The following CACNA1B variants were observed in gnomAD, a reference collection of about 807,000 sequenced individuals.
The protein encoded by CACNA1B is calcium voltage-gated channel subunit alpha1 B, also known as voltage-dependent N-type calcium channel subunit alpha-1B.
CACNA1B carries 70 observed loss-of-function variants against 247.2 expected under a neutral mutation model. The observed-to-expected ratio is 0.28, with a 90% CI of 0.23 to 0.35. The LOEUF (loss-of-function observed/expected upper bound fraction) is 0.35, where lower values mean the gene tolerates loss of function less well. Among genes scored for constraint, CACNA1B ranks in the 10% least tolerant of loss-of-function variants. The pLI, the probability that CACNA1B is intolerant of heterozygous loss-of-function variation, is 1.00. For missense variants in CACNA1B, 2,367 were observed against 3,197.4 expected (o/e 0.74, Z 6.26); for synonymous variants, 1,231 against 1,294.4 (o/e 0.95, Z 1.05).
intron 39 of CACNA1B, among the ~76,000 whole-genome samples, chr9:138,108,285 G>A (rs1205543586): frequency 1.4e-5 from 2 of 141,446 alleles, no homozygotes; most frequent in African/African-American, 2.8e-5. Context: ...CTATAGCCTG[G>A]GCAACAGAGT....
At chr9:138,090,656 A>C (rs1225971559) in intron 36 of CACNA1B, among the ~76,000 whole-genome samples, 1 of 144,930 alleles carries the variant, frequency 6.9e-6, no homozygotes, top group African/African-American at 2.5e-5. Flanking sequence ...TTATCTGACA[A>C]GCTATTAATA....
intron 39 of CACNA1B, among the ~76,000 whole-genome samples, chr9:138,107,383 A>G (rs1961468402): frequency 6.6e-6 from 1 of 151,748 alleles, no homozygotes; most frequent in South Asian, 2.1e-4. Context: ...AAGTGCTGGG[A>G]TTGCAGGCAC....
chr9:137,989,422 T>C lies in CACNA1B; in HGVS notation c.1974+2568T>C, dbSNP rs545725662. ...CTGGAGTGGAGGCTCCCATGTGAGGTGCGAAAGAGAGGGTGGCCAGTGCCC... is the reference window on the plus strand; with the variant it reads ...CTGGAGTGGAGGCTCCCATGTGAGGCGCGAAAGAGAGGGTGGCCAGTGCCC... On this transcript the variant is annotated intron_variant, in intron 15 of 46. Coordinates refer to ENST00000371372, the MANE Select transcript of CACNA1B (RefSeq NM_000718.4). 2.6e-5 allele frequency among the ~76,000 whole-genome samples: 4 copies of C among 152,008 alleles called. No homozygotes were observed. In the South Asian group the frequency reaches 8.3e-4, roughly 32 times the overall value.
At chr9:137,995,570 A>G (rs1378171509) in intron 15 of CACNA1B, among the ~76,000 whole-genome samples, 2 of 152,254 alleles carry the variant, frequency 1.3e-5, no homozygotes, top group African/African-American at 2.4e-5. Flanking sequence ...AGCTGAAACC[A>G]TAACAATTAT....
At chr9:137,904,324 A>G (rs981789768) in intron 3 of CACNA1B, among the ~76,000 whole-genome samples, 7 of 138,522 alleles carry the variant, frequency 5.1e-5, no homozygotes, top group African/African-American at 8.0e-5. Context: ...ATATGTATAT[A>G]TATTTTACTA....
At chr9:138,044,106 C>G (rs1959165918) in intron 21 of CACNA1B, among the ~76,000 whole-genome samples, 1 of 152,240 alleles carries the variant, frequency 6.6e-6, no homozygotes, top group African/African-American at 2.4e-5. Flanking sequence ...CTCAGCGGAG[C>G]TGGGGTGAGC....
chr9:137,918,936 C>T (rs894741190), intron 6 of CACNA1B, among the ~76,000 whole-genome samples: 2 of 152,324 alleles, frequency 1.3e-5, no homozygotes, highest in South Asian at 4.1e-4. Flanking sequence ...CTTGGCTGTT[C>T]TCTCTCTGTA....
chr9:138,075,894 C>T lies in CACNA1B; in HGVS notation c.4933C>T (p.Leu1645=). 6.2e-7 allele frequency: 1 copy of T among 1,609,218 alleles called. No individual in the cohort carries two copies. The highest frequency in any genetic ancestry group is 2.2e-5 in the East Asian group (1 of 44,802). The stretch of plus-strand genomic sequence containing the variant: ...CAACTTCCGGACGTTTTTGCAAGCC[C>T]TGATGCTGCTGTTCAGGTGTGTTGT... ...HNNFRTFLQA[L]MLLFRSATGE... The change falls in exon 35 of 47, where the codon CTG becomes TTG. Residue 1645 remains leucine (L), a synonymous_variant. Coordinates refer to ENST00000371372, the MANE Select transcript of CACNA1B (RefSeq NM_000718.4).
intron 3 of CACNA1B, among the ~76,000 whole-genome samples, chr9:137,908,522 AAAAC>A (rs902135779): frequency 2.1e-4 from 32 of 152,300 alleles, no homozygotes; most frequent in African/African-American, 6.5e-4. Context: ...TCTCAAAAGA[AAAAC>A]AAACAAACAA....
chr9:137,914,530 A>T lies in CACNA1B; in HGVS notation c.623-124A>T. Reference sequence around the variant, plus strand: ...CTTCAGCTCTATCCTTTGCCCTTGCAAGCACTCACTGCTTAGCACCTTGCT... The same window carrying T: ...CTTCAGCTCTATCCTTTGCCCTTGCTAGCACTCACTGCTTAGCACCTTGCT... On this transcript the variant is annotated intron_variant, in intron 4 of 46. Transcript: ENST00000371372. The surrounding 1 kb of genome is among the most constrained non-coding windows in gnomAD (Gnocchi z 4.3). 1 of 755,670 alleles carries T rather than the reference A, an allele frequency of 1.3e-6. No homozygotes were observed. The highest frequency in any genetic ancestry group is 2.2e-6 in the Non-Finnish European group (1 of 460,686). The allele number at this position is 755,670 out of a possible 1,614,324, so 46.8% of individuals were successfully genotyped here. A position where few individuals can be genotyped will look rare whatever the true frequency, so the allele number is the denominator to read the frequency against.
chr9:138,006,693 C>A lies in CACNA1B; in HGVS notation c.1975-74C>A, dbSNP rs560665141. 7.4e-4 allele frequency: 592 copies of A among 801,306 alleles called. No homozygotes were observed. In the African/African-American group the frequency reaches 8.9e-3, roughly 12 times the overall value. The allele number at this position is 801,306 out of a possible 1,614,324, so 49.6% of individuals were successfully genotyped here. On this transcript the variant is annotated intron_variant, in intron 15 of 46. Transcript: ENST00000371372. ...GTGGACGTGGCGGTGCACATGCACT[C>A]ATGTGGGTGGGGGTGCGTGTGTGTG...
chr9:137,942,589 C>G (rs1290344177), intron 6 of CACNA1B, among the ~76,000 whole-genome samples: 1 of 152,160 alleles, frequency 6.6e-6, no homozygotes, highest in African/African-American at 2.4e-5. Context: ...CATCAGTCAA[C>G]CAGTGGATAA....
At chr9:138,049,080 C>T in intron 23 of CACNA1B, 129 bp from the exon 24 acceptor site, 1 of 688,690 alleles carries the variant, frequency 1.5e-6, no homozygotes, top group Non-Finnish European at 2.7e-6. Context: ...GTGTCCAACT[C>T]CCGGGCTTAA....
At chr9:138,105,676 T>C (rs1326600738) in intron 38 of CACNA1B, 23 bp from the exon 39 acceptor site, 3 of 1,395,642 alleles carry the variant, frequency 2.1e-6, no homozygotes, top group East Asian at 5.0e-5. Context: ...GGCCTGGCCC[T>C]GACCGGCCCT....
chr9:137,914,739 G>A lies in CACNA1B; in HGVS notation c.708G>A (p.Met236Ile), dbSNP rs760741224. 6.2e-7 allele frequency: 1 copy of A among 1,613,958 alleles called. No homozygotes were observed. Among genetic ancestry groups the A allele is most frequent in the Admixed American group, 1.7e-5 (1 of 60,010 alleles). The change falls in exon 5 of 47, where the codon ATG (methionine) becomes ATA (isoleucine). Residue 236 changes from methionine to isoleucine, a missense_variant. Physicochemically the swap from Met to Ile is conservative, Grantham distance 10 (BLOSUM62 1). Transcript: ENST00000371372. The surrounding 1 kb of genome is among the most constrained non-coding windows in gnomAD (Gnocchi z 4.3). ...TGCTTCTCTTCTTTGCCATCCTCAT[G>A]TTTGCCATCATTGGCCTGGAGTTCT... Reference protein sequence around the residue: ...IGLLLFFAILMFAIIGLEFYM... With the variant: ...IGLLLFFAILIFAIIGLEFYM...
At chr9:137,969,319 C>T (rs1367679862) in intron 10 of CACNA1B, among the ~76,000 whole-genome samples, 2 of 152,206 alleles carry the variant, frequency 1.3e-5, no homozygotes, top group Non-Finnish European at 2.9e-5. Flanking sequence ...GAGTGTGGTT[C>T]TGTGCAAATA....
chr9:138,049,065 G>A (rs1959208988), intron 23 of CACNA1B, 144 bp from the exon 24 acceptor site: 3 of 659,346 alleles, frequency 4.5e-6, no homozygotes, highest in Non-Finnish European at 5.6e-6. Flanking sequence ...ATGTTGCCCT[G>A]GCTGGTGTCC....
At chr9:138,047,582 T>G (rs1959194822) in intron 23 of CACNA1B, 124 bp downstream of exon 23, 1 of 694,456 alleles carries the variant, frequency 1.4e-6, no homozygotes, top group South Asian at 1.7e-5. Context: ...GGTAGGTGTG[T>G]GCGTACTGGG....
chr9:137,924,567 A>G (rs148208678), intron 6 of CACNA1B, among the ~76,000 whole-genome samples: 5 of 152,244 alleles, frequency 3.3e-5, no homozygotes, highest in African/African-American at 1.2e-4. Flanking sequence ...GTAGTTACCT[A>G]TATGTTTTGA....
Sources: gnomAD v4.1 joint callset for allele counts (sites outside exome capture counted in the v4.1 genomes callset) on GRCh38, gnomAD v4.1.1 for gene constraint, Gnocchi (gnomAD v3.1) non-coding constraint, MANE v1.5 for transcripts, NCBI Gene and HGNC (gene_info 2026-07-23, HGNC 2026-07-21) for gene names.